The following SMURF1 variants were observed in gnomAD, a reference collection of about 807,000 sequenced individuals.
The protein encoded by SMURF1 is SMAD specific E3 ubiquitin protein ligase 1, also known as E3 ubiquitin-protein ligase SMURF1.
In SMURF1, 44 loss-of-function variants were observed where a neutral mutation model predicts 98.0. That is an observed-to-expected ratio of 0.45 (90% confidence interval 0.35 to 0.58). SMURF1 has a LOEUF of 0.58. Among genes scored for constraint, SMURF1 ranks in the 20% least tolerant of loss-of-function variants. The probability of loss-of-function intolerance (pLI) is 0.00; values close to 1 mark genes in which losing one functional copy is unlikely to be tolerated. For missense variants in SMURF1, 687 were observed against 938.4 expected, an observed-to-expected ratio of 0.73 and a Z score of 3.50; for synonymous variants, 396 against 374.9, an observed-to-expected ratio of 1.06 and a Z score of -0.65.
intron 6 of SMURF1, 92 bp from the exon 7 acceptor site, chr7:99,052,538 C>T: frequency 2.3e-6 from 3 of 1,292,972 alleles, no homozygotes; most frequent in East Asian, 2.8e-5. Context: ...GACACCGTCA[C>T]ATAAATTGAT....
chr7:99,039,822 C>T (rs1031091721), intron 13 of SMURF1, among the ~76,000 whole-genome samples: 9 of 152,188 alleles, frequency 5.9e-5, no homozygotes, highest in Non-Finnish European at 1.0e-4. Context: ...TGCAAGGACC[C>T]GTGATAGTCA....
intron 1 of SMURF1, among the ~76,000 whole-genome samples, chr7:99,119,568 T>C (rs1246924789): frequency 1.3e-5 from 2 of 152,168 alleles, no homozygotes; most frequent in Non-Finnish European, 2.9e-5. Flanking sequence ...TACAAGATTA[T>C]ATAAACAGTA....
chr7:99,063,261 A>ATAAGATT (rs1563012690), intron 1 of SMURF1, among the ~76,000 whole-genome samples: 18 of 6,938 alleles, frequency 2.6e-3, no homozygotes, highest in Admixed American at 0.019. Context: ...ATATATATAT[A>ATAAGATT]TATATATATA....
Position 99,049,616 on chromosome 7 carries a change from A to G in SMURF1, c.900T>C (p.Asp300=). The change falls in exon 9 of 18, where the codon GAT becomes GAC. Residue 300 remains aspartate, a synonymous_variant. Coordinates refer to ENST00000361368, the MANE Select transcript of SMURF1 (RefSeq NM_181349.3). ...STVSGRIYFV[D]HNNRTTQFTD... is the part of the protein sequence containing the mutation. ...TAAACTGGGTTGTTCGGTTATTATGATCTACAAAATATATCCTCCCAGAAA... is the reference window on the plus strand; with the variant it reads ...TAAACTGGGTTGTTCGGTTATTATGGTCTACAAAATATATCCTCCCAGAAA... 6.2e-7 allele frequency: 1 copy of G among 1,614,110 alleles called. No individual in the cohort carries two copies. Among genetic ancestry groups the G allele is most frequent in the Non-Finnish European group, 8.5e-7 (1 of 1,179,972 alleles).
chr7:99,047,675 A>ACT lies in SMURF1; in HGVS notation c.1152+7_1152+8dup, dbSNP rs749433142. On this transcript the variant is annotated intron_variant, in intron 10 of 17. Coordinates refer to ENST00000361368, the MANE Select transcript of SMURF1 (RefSeq NM_181349.3). The stretch of plus-strand genomic sequence containing the variant: ...AACAGGGTCTGGGCAGTGGCCCTGA[A>ACT]CTCTCTACCTCAAAGATTTCTTCTC... 1 of 1,614,040 alleles carries ACT rather than the reference A, an allele frequency of 6.2e-7. No individual in the cohort carries two copies. The highest frequency in any genetic ancestry group is 8.5e-7 in the Non-Finnish European group (1 of 1,179,946).
At chr7:99,067,935 C>T (rs1796235418) in intron 1 of SMURF1, among the ~76,000 whole-genome samples, 1 of 152,196 alleles carries the variant, frequency 6.6e-6, no homozygotes, top group Non-Finnish European at 1.5e-5. Flanking sequence ...GCCTGGGCGA[C>T]AGAACGAGAC....
At chr7:99,100,020 C>A (rs1797039565) in intron 1 of SMURF1, among the ~76,000 whole-genome samples, 1 of 151,766 alleles carries the variant, frequency 6.6e-6, no homozygotes, top group African/African-American at 2.4e-5. Context: ...ACAGTCAAAT[C>A]CCCGGAGAAT....
chr7:99,064,477 T>C (rs1244560011), intron 1 of SMURF1, among the ~76,000 whole-genome samples: 1 of 152,246 alleles, frequency 6.6e-6, no homozygotes, highest in African/African-American at 2.4e-5. Flanking sequence ...GTCAGATTTT[T>C]CCATTTCTTC....
chr7:99,060,487 G>C, intron 3 of SMURF1, 112 bp downstream of exon 3: 1 of 611,570 alleles, frequency 1.6e-6, no homozygotes, highest in South Asian at 3.0e-5. Context: ...ATCCGCTTTT[G>C]TTATCAATAA....
intron 1 of SMURF1, among the ~76,000 whole-genome samples, chr7:99,072,213 A>G (rs1290582643): frequency 6.6e-6 from 1 of 152,182 alleles, no homozygotes; most frequent in Non-Finnish European, 1.5e-5. Context: ...TTATAGAGAT[A>G]GGATTTTGCT....
intron 10 of SMURF1, among the ~76,000 whole-genome samples, chr7:99,046,443 A>G (rs1343882616): frequency 5.3e-5 from 8 of 152,092 alleles, no homozygotes; most frequent in Non-Finnish European, 1.0e-4. Flanking sequence ...AACTCCAGCA[A>G]CCCAGCCGGG....
chr7:99,063,207 A>G (rs1283945707), intron 1 of SMURF1, among the ~76,000 whole-genome samples: 1 of 126,414 alleles, frequency 7.9e-6, no homozygotes, highest in Admixed American at 8.2e-5. Flanking sequence ...ATATATTTAT[A>G]TAGTCAAGAT....
chr7:99,029,311 A>G lies in SMURF1; in HGVS notation c.*1273T>C, dbSNP rs1794803283. 6.6e-6 allele frequency: 1 copy of G among 152,656 alleles called. No homozygotes were observed. 9.5% of individuals were successfully genotyped at this position (152,656 alleles called of 1,614,324 possible). A position where few individuals can be genotyped will look rare whatever the true frequency, so the allele number is the denominator to read the frequency against. On this transcript the variant is annotated 3_prime_UTR_variant, in exon 18 of 18. Transcript: ENST00000361368. Reference sequence around the variant, plus strand: ...TTCTGCCCAAGTTCAGCTATTGGAAATCAAGCCACTTTAAGATAAAATACT... The same window carrying G: ...TTCTGCCCAAGTTCAGCTATTGGAAGTCAAGCCACTTTAAGATAAAATACT...
intron 1 of SMURF1, among the ~76,000 whole-genome samples, chr7:99,137,112 A>G (rs1053351151): frequency 2.0e-5 from 3 of 152,188 alleles, no homozygotes; most frequent in Non-Finnish European, 2.9e-5. Context: ...TTATTTTTCC[A>G]TGTTTATTAA....
intron 1 of SMURF1, among the ~76,000 whole-genome samples, chr7:99,102,992 T>C (rs1224727416): frequency 6.6e-6 from 1 of 151,740 alleles, no homozygotes; most frequent in Non-Finnish European, 1.5e-5. Context: ...TTAGGGGAAA[T>C]AGGTTCTCAC....
intron 16 of SMURF1, 88 bp from the exon 17 acceptor site, chr7:99,033,209 C>T: frequency 7.8e-7 from 1 of 1,284,846 alleles, no homozygotes; most frequent in Admixed American, 2.0e-5. Context: ...AGGGCCCTGA[C>T]CACATTCCCA....
chr7:99,092,893 C>G (rs552287633), intron 1 of SMURF1, among the ~76,000 whole-genome samples: 1 of 152,140 alleles, frequency 6.6e-6, no homozygotes, highest in Non-Finnish European at 1.5e-5. Context: ...CCTCTGGGAA[C>G]GATGGTTCAG....
chr7:99,112,118 T>C (rs1797337575), intron 1 of SMURF1, among the ~76,000 whole-genome samples: 1 of 152,178 alleles, frequency 6.6e-6, no homozygotes, highest in African/African-American at 2.4e-5. Context: ...AGCTCCTACA[T>C]ATTTTTGTGA....
At chr7:99,058,313 A>G (rs1354014041) in intron 3 of SMURF1, among the ~76,000 whole-genome samples, 1 of 151,894 alleles carries the variant, frequency 6.6e-6, no homozygotes, top group East Asian at 1.9e-4. Context: ...TATTTTTAGT[A>G]GAGACGGGGT....
Sources: gnomAD v4.1 joint callset for allele counts (sites outside exome capture counted in the v4.1 genomes callset) on GRCh38, gnomAD v4.1.1 for gene constraint, MANE v1.5 for transcripts, NCBI Gene and HGNC (gene_info 2026-07-23, HGNC 2026-07-21) for gene names.